ZMPSTE24: variants seen among roughly 807,000 people sequenced by gnomAD.
The protein encoded by ZMPSTE24 is CAAX prenyl protease 1 homolog.
Under a neutral mutation model 56.7 loss-of-function variants are expected in ZMPSTE24, and 48 were observed. The ratio of observed to expected loss-of-function variants is 0.85; its 90% CI spans 0.67 to 1.08. The LOEUF (loss-of-function observed/expected upper bound fraction) is 1.08, where lower values mean the gene tolerates loss of function less well. Ranked by LOEUF, ZMPSTE24 falls within the 50% of genes least tolerant of loss-of-function variation. ZMPSTE24 has a pLI of 0.00. For synonymous variants in ZMPSTE24, 172 were observed against 195.2 expected (o/e 0.88, Z 0.99); for missense variants, 503 against 548.7 (o/e 0.92, Z 0.83).
At chr1:40,286,208 C>T (rs1024794872) in intron 8 of ZMPSTE24, among the ~76,000 whole-genome samples, 179 bp downstream of exon 8, 2 of 152,156 alleles carry the variant, frequency 1.3e-5, no homozygotes, top group African/African-American at 2.4e-5. Context: ...TAACCTCTGC[C>T]TCTGTCCCCT....
chr1:40,259,382 G>C (rs1643472677), intron 1 of ZMPSTE24: 1 of 152,000 alleles, frequency 6.6e-6, no homozygotes, highest in Non-Finnish European at 1.5e-5. Context: ...GGAGTACAGT[G>C]GCGTTATCTC....
chr1:40,282,683 C>CA (rs1437100301), intron 7 of ZMPSTE24, among the ~76,000 whole-genome samples: 1 of 152,148 alleles, frequency 6.6e-6, no homozygotes, highest in African/African-American at 2.4e-5. Flanking sequence ...AAGATGAGGC[C>CA]AGTAGGGTTT....
rs1427858274 is a variant in ZMPSTE24, at chr1:40,269,967, T to C, written c.475-8T>C. The C allele has an allele frequency of 1.2e-5, 20 of 1,603,252 alleles. No individual in the cohort carries two copies. Among genetic ancestry groups the C allele is most frequent in the Non-Finnish European group, 1.6e-5 (19 of 1,177,306 alleles). On this transcript the variant is annotated splice_region_variant and splice_polypyrimidine_tract_variant and intron_variant, in intron 4 of 9. Coordinates refer to ENST00000372759, the MANE Select transcript of ZMPSTE24 (RefSeq NM_005857.5). ...TCAGTTTCTTGTGGTAATGTTTTCT[T>C]TTTGCAGACTTTGGGGTTCTTCATG...
rs1643863745 is a variant in ZMPSTE24 at position 40,293,689 on chromosome 1, A to C, written c.*1020A>C. 1 of 152,214 alleles carries C rather than the reference A, an allele frequency of 6.6e-6. No individual in the cohort carries two copies. Among genetic ancestry groups the C allele is most frequent in the East Asian group, 1.9e-4 (1 of 5,204 alleles). The allele number at this position is 152,214 out of a possible 1,614,324, so 9.4% of individuals were successfully genotyped here. ...TATCTGTAAGTCATAAATATTACTT[A>C]ATCAGGCCTGATTCTACTTTTGAAA... On this transcript the variant is annotated 3_prime_UTR_variant, in exon 10 of 10. Coordinates refer to ENST00000372759, the MANE Select transcript of ZMPSTE24 (RefSeq NM_005857.5).
At chr1:40,272,851 G>A (rs1283458248) in intron 6 of ZMPSTE24, among the ~76,000 whole-genome samples, 3 of 152,174 alleles carry the variant, frequency 2.0e-5, no homozygotes, top group Non-Finnish European at 4.4e-5. Context: ...GGTTTCAGTT[G>A]TATTTCCTCT....
Position 40,286,048 on chromosome 1 carries a change from T to A in ZMPSTE24, c.1059+19T>A. The stretch of plus-strand genomic sequence containing the variant: ...TAGCCAGGTAAGTGTGGAGTGACAA[T>A]TCTTTTTTTATGGCATGATAGTCAA... On this transcript the variant is annotated intron_variant, in intron 8 of 9. Transcript: ENST00000372759. 1 of 1,598,352 alleles carries A rather than the reference T, an allele frequency of 6.3e-7. No individual in the cohort carries two copies. The highest frequency in any genetic ancestry group is 1.1e-5 in the South Asian group (1 of 90,500).
intron 8 of ZMPSTE24, among the ~76,000 whole-genome samples, chr1:40,288,568 G>T (rs1231814241): frequency 6.6e-6 from 1 of 152,124 alleles, no homozygotes; most frequent in African/African-American, 2.4e-5. Context: ...CATCTTTGTC[G>T]CTGTGGCCAC....
intron 7 of ZMPSTE24, among the ~76,000 whole-genome samples, chr1:40,282,858 A>G (rs932932914): frequency 9.2e-5 from 14 of 152,218 alleles, no homozygotes; most frequent in African/African-American, 3.4e-4. Flanking sequence ...GAATATTGCC[A>G]GATGTCCCCT....
intron 1 of ZMPSTE24, among the ~76,000 whole-genome samples, chr1:40,259,097 G>C (rs1279465584): frequency 6.6e-6 from 1 of 152,152 alleles, no homozygotes; most frequent in Non-Finnish European, 1.5e-5. Context: ...GGCGGAGGTT[G>C]CAGTGAGCTG....
chr1:40,258,357 C>G lies in ZMPSTE24; in HGVS notation c.86C>G (p.Thr29Arg). ...IFGAVLLFSW[T>R]VYLWETFLAQ... ...GGGGCCGTGCTGCTCTTTTCCTGGA[C>G]AGTGTATCTTTGGGAGACCTTCCTA... Residue 29 changes from threonine to arginine, a missense_variant, in exon 1 of 10, where the codon ACA becomes AGA. Coordinates refer to ENST00000372759, the MANE Select transcript of ZMPSTE24 (RefSeq NM_005857.5). The G allele has an allele frequency of 1.9e-6, 3 of 1,614,200 alleles. No homozygotes were observed. Among genetic ancestry groups the G allele is most frequent in the Non-Finnish European group, 2.5e-6 (3 of 1,180,034 alleles).
In ZMPSTE24 at chr1:40,268,430, C is replaced by G; in HGVS notation, c.369C>G (p.Ser123=). The G allele has an allele frequency of 1.2e-6, 2 of 1,611,550 alleles. No homozygotes were observed. Among genetic ancestry groups the G allele is most frequent in the Non-Finnish European group, 1.7e-6 (2 of 1,179,372 alleles). Residue 123 remains serine, a synonymous_variant, in exon 4 of 10, where the codon TCC becomes TCG. Transcript: ENST00000372759. ...TTTCTTTTGTTTAGATCACTCAGTC[C>G]CTGGTGTTTCTGCTGTTGGCTACAC... The part of the protein sequence containing the change: ...GFGPEYEITQ[S]LVFLLLATLF...
At chr1:40,268,873 C>G (rs1180333004) in intron 4 of ZMPSTE24, among the ~76,000 whole-genome samples, 2 of 149,878 alleles carry the variant, frequency 1.3e-5, no homozygotes, top group Non-Finnish European at 3.0e-5. Flanking sequence ...GTCAGGAGAT[C>G]GAGGCCATCC....
chr1:40,292,314 T>G (rs1156292471), intron 9 of ZMPSTE24, 131 bp from the exon 10 acceptor site: 1 of 832,492 alleles, frequency 1.2e-6, no homozygotes, highest in Non-Finnish European at 2.0e-6. Context: ...CCCCTAAATA[T>G]TAGTGATCTT....
At chr1:40,281,811 A>G (rs1569651742) in intron 7 of ZMPSTE24, among the ~76,000 whole-genome samples, 1 of 152,228 alleles carries the variant, frequency 6.6e-6, no homozygotes, top group East Asian at 1.9e-4. Context: ...TTGTGTGTAT[A>G]TATATATATG....
At chr1:40,268,065 A>C (rs1365753752) in intron 3 of ZMPSTE24, among the ~76,000 whole-genome samples, 193 bp downstream of exon 3, 2 of 152,230 alleles carry the variant, frequency 1.3e-5, no homozygotes, top group Non-Finnish European at 2.9e-5. Context: ...GCTTATTTGC[A>C]ATGGTTTATT....
chr1:40,286,425 A>G (rs1248934739), intron 8 of ZMPSTE24, among the ~76,000 whole-genome samples: 4 of 152,078 alleles, frequency 2.6e-5, no homozygotes, highest in Non-Finnish European at 5.9e-5. Flanking sequence ...AATTAAATTA[A>G]AAAAATTTTT....
At chr1:40,268,383 C>G (rs780479563) in intron 3 of ZMPSTE24, 36 bp from the exon 4 acceptor site, 2 of 1,419,144 alleles carry the variant, frequency 1.4e-6, no homozygotes, top group South Asian at 2.3e-5. Flanking sequence ...GCCAGTAGTT[C>G]ATAAAAACTG....
At chr1:40,262,991 C>G in intron 2 of ZMPSTE24, 1 of 996,068 alleles carries the variant, frequency 1.0e-6, no homozygotes, top group Non-Finnish European at 1.2e-6. Flanking sequence ...GAGGTAGACA[C>G]TATTCTCTTT....
intron 7 of ZMPSTE24, among the ~76,000 whole-genome samples, chr1:40,282,170 C>T (rs146288907): frequency 2.8e-3 from 432 of 152,272 alleles, no homozygotes; most frequent in African/African-American, 9.7e-3. Flanking sequence ...CAGTACAATA[C>T]GTGAATTGCT....
Sources: gnomAD v4.1 joint callset for allele counts (sites outside exome capture counted in the v4.1 genomes callset) on GRCh38, gnomAD v4.1.1 for gene constraint, MANE v1.5 for transcripts, NCBI Gene and HGNC (gene_info 2026-07-23, HGNC 2026-07-21) for gene names.